The following IGSF9B variants were observed in gnomAD, a reference collection of about 807,000 sequenced individuals.
IGSF9B encodes immunoglobulin superfamily member 9B.
Under a neutral mutation model 143.7 loss-of-function variants are expected in IGSF9B, and 48 were observed. The observed-to-expected ratio is 0.33, with a 90% CI of 0.26 to 0.42. The LOEUF is 0.42. Among genes scored for constraint, IGSF9B ranks in the 20% least tolerant of loss-of-function variants. IGSF9B has a pLI of 1.00. For synonymous variants in IGSF9B, 903 were observed against 833.1 expected (o/e 1.08, Z -1.44); for missense variants, 1,706 against 1,980.0 (o/e 0.86, Z 2.63).
chr11:133,912,470 G>A (rs1015004354), intron 18 of IGSF9B: 2 of 420,238 alleles, frequency 4.8e-6, no homozygotes, highest in African/African-American at 4.1e-5. Context: ...CTCCAGAAAA[G>A]GGGGTGCTAA....
Position 133,907,905 on chromosome 11 carries a change from G to A in IGSF9B, c.*1164C>T, listed in dbSNP as rs1018912479. Among the ~76,000 whole-genome samples, 10 of 152,232 alleles carry A rather than the reference G, an allele frequency of 6.6e-5. No homozygotes were observed. Among genetic ancestry groups the A allele is most frequent in the South Asian group, 2.1e-4 (1 of 4,832 alleles). On this transcript the variant is annotated 3_prime_UTR_variant, in exon 20 of 20. Transcript: ENST00000533871. The stretch of plus-strand genomic sequence containing the variant: ...GCAGAGAAGAGTCGGCAGGCAGCAC[G>A]TGGTGAGTGCGGGAAAGCCACAGGC...
intron 3 of IGSF9B, 117 bp downstream of exon 3, chr11:133,944,103 G>C (rs1345058676): frequency 8.9e-7 from 1 of 1,122,598 alleles, no homozygotes; most frequent in Non-Finnish European, 1.2e-6. Flanking sequence ...ACAAGGAGGG[G>C]GGCAGGGGGT....
chr11:133,918,187 G>A (rs1939429206), intron 18 of IGSF9B, among the ~76,000 whole-genome samples: 1 of 152,094 alleles, frequency 6.6e-6, no homozygotes, highest in Non-Finnish European at 1.5e-5. Flanking sequence ...CCCTGTCCAG[G>A]AAGCAATGGC....
chr11:133,912,180 G>T, intron 18 of IGSF9B, 173 bp from the exon 19 acceptor site: 1 of 815,042 alleles, frequency 1.2e-6, no homozygotes, highest in Non-Finnish European at 2.0e-6. Context: ...CTCCTGGAAA[G>T]AAGAAAACCC....
intron 13 of IGSF9B, among the ~76,000 whole-genome samples, chr11:133,926,433 C>T (rs1330775131): frequency 6.6e-6 from 1 of 152,206 alleles, no homozygotes; most frequent in African/African-American, 2.4e-5. Flanking sequence ...CTAGGAAAAG[C>T]CTGTTCACAG....
Position 133,936,174 on chromosome 11 carries a change from G to C in IGSF9B, c.700C>G (p.Pro234Ala). Reference sequence around the variant, plus strand: ...ATGTTGACGGTGATGTTCTCAGGAGGGGAGACGATGAAAGGGGGCCCTGGG... The same window carrying C: ...ATGTTGACGGTGATGTTCTCAGGAGCGGAGACGATGAAAGGGGGCCCTGGG... ...LVQGPPFIVSPPENITVNISQ... is the reference protein window; with the variant it reads ...LVQGPPFIVSAPENITVNISQ... Residue 234 changes from proline to alanine, a missense_variant, in exon 6 of 20, where the codon CCT becomes GCT. Physicochemically the swap from Pro to Ala is conservative, Grantham distance 27. This residue lies in a region of IGSF9B where 238 missense variants were observed against 452.6 expected (regional missense o/e 0.53). Transcript: ENST00000533871. 2 of 1,611,260 alleles carry C rather than the reference G, an allele frequency of 1.2e-6. No homozygotes were observed. The highest frequency in any genetic ancestry group is 1.7e-6 in the Non-Finnish European group (2 of 1,178,858).
intron 14 of IGSF9B, 120 bp downstream of exon 14, chr11:133,925,619 G>C: frequency 1.4e-6 from 1 of 712,976 alleles, no homozygotes; most frequent in South Asian, 1.7e-5. Context: ...GTGGTGAGGA[G>C]GTACAGGATG....
At chr11:133,922,291 G>A in intron 16 of IGSF9B, 69 bp from the exon 17 acceptor site, 2 of 1,375,362 alleles carry the variant, frequency 1.5e-6, no homozygotes, top group Non-Finnish European at 2.0e-6. Flanking sequence ...CGCATCTGCA[G>A]AGGCTGACAG....
At chr11:133,916,263 G>A (rs1365809686) in intron 18 of IGSF9B, among the ~76,000 whole-genome samples, 3 of 151,904 alleles carry the variant, frequency 2.0e-5, no homozygotes, top group Non-Finnish European at 4.4e-5. Flanking sequence ...TTGGGAAGAG[G>A]AGAAAAAAAG....
At chr11:133,930,497 T>C (rs35571160) in intron 11 of IGSF9B, among the ~76,000 whole-genome samples, 5,019 of 152,254 alleles carry the variant, frequency 0.033, 105 homozygotes, top group Middle Eastern at 0.071. Context: ...GCGAAGGTCC[T>C]GGGACACGCG....
rs79061073 is a variant in IGSF9B at position 133,948,909 on chromosome 11, G to T, written c.65-2651C>A. Among the ~76,000 whole-genome samples the T allele has an allele frequency of 6.9e-3, 1,046 of 152,276 alleles. 3 individuals are homozygous for T. The highest frequency in any genetic ancestry group is 0.011 in the Non-Finnish European group (776 of 68,008). ...GGGCTCTAGCGGGCAACGCCAGGAG[G>T]TGGGTTGGCTTTGACGTGGGTTCCC... On this transcript the variant is annotated intron_variant, in intron 1 of 19. Coordinates refer to ENST00000533871, the MANE Select transcript of IGSF9B (RefSeq NM_001277285.4). This position sits in a 1 kb window ranked among gnomAD's most constrained non-coding sequence, Gnocchi z 4.7.
rs756219061 is a variant in IGSF9B at position 133,920,158 on chromosome 11, G to A, written c.3567C>T (p.Pro1189=). 3.3e-6 allele frequency: 5 copies of A among 1,510,034 alleles called. No individual in the cohort carries two copies. Among genetic ancestry groups the A allele is most frequent in the South Asian group, 1.3e-5 (1 of 74,262 alleles). The allele number at this position is 1,510,034 out of a possible 1,614,324, so 93.5% of individuals were successfully genotyped here. Residue 1189 remains proline (P), a synonymous_variant, in exon 18 of 20, where the codon CCC becomes CCT. Transcript: ENST00000533871. ...PSPRQARRAE[P]SLHQVVLQPS... ...GCTGTAGCACCACTTGATGTAAACT[G>A]GGCTCGGCGCGCCTGGCCTGCCGAG...
intron 19 of IGSF9B, among the ~76,000 whole-genome samples, chr11:133,911,518 T>C (rs989341039): frequency 6.6e-6 from 1 of 152,214 alleles, no homozygotes; most frequent in African/African-American, 2.4e-5. Flanking sequence ...ACTATTTGTG[T>C]TGTTTGAAAA....
Position 133,928,081 on chromosome 11 carries a change from C to G in IGSF9B, c.1632-990G>C, listed in dbSNP as rs749128057. On this transcript the variant is annotated intron_variant, in intron 12 of 19. Coordinates refer to ENST00000533871, the MANE Select transcript of IGSF9B (RefSeq NM_001277285.4). The surrounding 1 kb of genome is among the most constrained non-coding windows in gnomAD (Gnocchi z 4.7). ...CGTGTGGAAAAGCAGTGCAGATGAGCAGCAGCGTGGAGCAGCAGCGTGAAG... is the reference window on the plus strand; with the variant it reads ...CGTGTGGAAAAGCAGTGCAGATGAGGAGCAGCGTGGAGCAGCAGCGTGAAG... 3.3e-5 allele frequency among the ~76,000 whole-genome samples: 5 copies of G among 151,290 alleles called. No individual in the cohort carries two copies. Among genetic ancestry groups the G allele is most frequent in the Non-Finnish European group, 7.4e-5 (5 of 68,016 alleles).
At chr11:133,934,580 T>A (rs1283646998) in intron 7 of IGSF9B, among the ~76,000 whole-genome samples, 1 of 152,198 alleles carries the variant, frequency 6.6e-6, no homozygotes, top group Non-Finnish European at 1.5e-5. Flanking sequence ...AGAGAGGCGA[T>A]GCACTCCATA....
intron 15 of IGSF9B, among the ~76,000 whole-genome samples, chr11:133,923,344 T>G (rs1454726768): frequency 6.6e-6 from 1 of 152,198 alleles, no homozygotes. Flanking sequence ...AGTACAGGCA[T>G]GCAACGTCCT....
Position 133,899,556 on chromosome 11 carries a change from A to T in IGSF9B, c.*9513T>A, listed in dbSNP as rs1488772365. 1 of 152,400 alleles carries T rather than the reference A, an allele frequency of 6.6e-6. No homozygotes were observed. The highest frequency in any genetic ancestry group is 1.5e-5 in the Non-Finnish European group (1 of 68,188). 9.4% of individuals were successfully genotyped at this position (152,400 alleles called of 1,614,324 possible). Reference sequence around the variant, plus strand: ...TTGGAGGCTGAGGAATAGAATGGTGACATGTGGGCCAGTGGCTCTCCCAGA... The same window carrying T: ...TTGGAGGCTGAGGAATAGAATGGTGTCATGTGGGCCAGTGGCTCTCCCAGA... On this transcript the variant is annotated 3_prime_UTR_variant, in exon 20 of 20. Coordinates refer to ENST00000533871, the MANE Select transcript of IGSF9B (RefSeq NM_001277285.4).
intron 1 of IGSF9B, among the ~76,000 whole-genome samples, chr11:133,955,390 C>G (rs186192034): frequency 1.3e-5 from 2 of 152,252 alleles, no homozygotes; most frequent in South Asian, 2.1e-4. Flanking sequence ...CCACCACCCC[C>G]CTCAGAAGCA....
intron 1 of IGSF9B, among the ~76,000 whole-genome samples, chr11:133,947,930 G>A (rs561272982): frequency 1.2e-4 from 18 of 151,910 alleles, no homozygotes; most frequent in Non-Finnish European, 5.9e-5. Context: ...TCTCTCTCTG[G>A]CTCCTGCTCC....
Sources: gnomAD v4.1 joint callset for allele counts (sites outside exome capture counted in the v4.1 genomes callset) on GRCh38, gnomAD v4.1.1 for gene constraint, gnomAD v4.1.1 regional missense constraint, Gnocchi (gnomAD v3.1) non-coding constraint, MANE v1.5 for transcripts, NCBI Gene and HGNC (gene_info 2026-07-23, HGNC 2026-07-21) for gene names.